Variants in DLGAP1 observed in about 807,000 individuals in gnomAD.
DLGAP1 encodes disks large-associated protein 1.
DLGAP1 carries 11 observed loss-of-function variants against 90.8 expected under a neutral mutation model. The ratio of observed to expected loss-of-function variants is 0.12; its 90% CI spans 0.08 to 0.20. The LOEUF (loss-of-function observed/expected upper bound fraction) is 0.20, where lower values mean the gene tolerates loss of function less well. DLGAP1 is among the 10% of genes least tolerant of loss of function. The pLI is 1.00. For missense variants in DLGAP1, 1,050 were observed against 1,333.8 expected (o/e 0.79, Z 3.31); for synonymous variants, 558 against 540.7 (o/e 1.03, Z -0.44).
chr18:4,395,728 A>T (rs1371464155), intron 1 of DLGAP1, among the ~76,000 whole-genome samples: 1 of 152,238 alleles, frequency 6.6e-6, no homozygotes, highest in Non-Finnish European at 1.5e-5. Flanking sequence ...ACTTAAGTCC[A>T]TACCCATTAA....
At chr18:3,870,705 T>C (rs976505110) in intron 4 of DLGAP1, among the ~76,000 whole-genome samples, 3 of 152,120 alleles carry the variant, frequency 2.0e-5, no homozygotes, top group African/African-American at 4.8e-5. Context: ...ATTTTTATCC[T>C]GGAGAAGTAA....
At chr18:3,810,764 CCTTTTTTT>C (rs2066791889) in intron 5 of DLGAP1, among the ~76,000 whole-genome samples, 1 of 151,916 alleles carries the variant, frequency 6.6e-6, no homozygotes, top group Non-Finnish European at 1.5e-5. Flanking sequence ...AGTGTATTTT[CCTTTTTTT>C]CTTTTGTATC....
At chr18:3,666,825 T>G (rs560195096) in intron 7 of DLGAP1, among the ~76,000 whole-genome samples, 150 of 152,172 alleles carry the variant, frequency 9.9e-4, no homozygotes, top group African/African-American at 3.5e-3. Flanking sequence ...GGTGCAATCA[T>G]AGCTCACTGC....
At chr18:3,997,402 T>A (rs1192384903) in intron 3 of DLGAP1, among the ~76,000 whole-genome samples, 2 of 133,716 alleles carry the variant, frequency 1.5e-5, no homozygotes, top group African/African-American at 2.8e-5. Context: ...CTTGGGTCGC[T>A]CCCCCTCACC....
intron 3 of DLGAP1, among the ~76,000 whole-genome samples, chr18:3,914,765 AT>A (rs1434074735): frequency 6.6e-6 from 1 of 151,886 alleles, no homozygotes; most frequent in Non-Finnish European, 1.5e-5. Context: ...TGTTATTATT[AT>A]TTTTTGAGAC....
At chr18:3,708,831 T>C (rs342476) in intron 7 of DLGAP1, among the ~76,000 whole-genome samples, 147,821 of 152,276 alleles carry the variant, frequency 0.97, 71,795 homozygotes, top group East Asian at 1. Context: ...TATGACTTTC[T>C]GAAGCTTCTC....
intron 3 of DLGAP1, among the ~76,000 whole-genome samples, chr18:3,880,939 T>A (rs2071145133): frequency 1.1e-5 from 1 of 90,868 alleles, no homozygotes; most frequent in African/African-American, 4.8e-5. Context: ...CCAGACTCCA[T>A]CTCAGAAAAA....
chr18:4,383,013 A>C lies in DLGAP1; in HGVS notation c.-267+71993T>G, dbSNP rs2082161125. On this transcript the variant is annotated intron_variant, in intron 1 of 12. Transcript: ENST00000315677. This position sits in a 1 kb window ranked among gnomAD's most constrained non-coding sequence, Gnocchi z 4.0. ...ATCAGTAACTGTATTTAGAATTCAC[A>C]GAGGATAACCAGCCATGTCTTTCCA... 6.6e-6 allele frequency among the ~76,000 whole-genome samples: 1 copy of C among 152,166 alleles called. No individual in the cohort carries two copies. Among genetic ancestry groups the C allele is most frequent in the Non-Finnish European group, 1.5e-5 (1 of 68,028 alleles).
intron 7 of DLGAP1, among the ~76,000 whole-genome samples, chr18:3,592,739 T>G (rs2056321557): frequency 6.9e-6 from 1 of 144,260 alleles, no homozygotes; most frequent in Non-Finnish European, 1.5e-5. Flanking sequence ...AGCTACTCGG[T>G]AGGCTGAGGT....
chr18:4,269,356 T>TATA (rs1183846918), intron 1 of DLGAP1, among the ~76,000 whole-genome samples: 25 of 119,544 alleles, frequency 2.1e-4, no homozygotes, highest in African/African-American at 4.4e-4. Context: ...ATATATATAT[T>TATA]TTTTTTTTTC....
chr18:3,499,295 G>A lies in DLGAP1; in HGVS notation c.2824C>T (p.Arg942Cys). The change falls in exon 13 of 13, where the codon CGC (arginine) becomes TGC (cysteine). Residue 942 changes from arginine (R) to cysteine (C), a missense_variant. Coordinates refer to ENST00000315677, the MANE Select transcript of DLGAP1 (RefSeq NM_004746.4). The surrounding 1 kb of genome is among the most constrained non-coding windows in gnomAD (Gnocchi z 6.4). The part of the protein sequence containing the change: ...SLESSQRQEA[R>C]KRLMAAKRAA... ...CGCTTGGCGGCCATCAGGCGCTTGC[G>A]GGCCTCCTGGCGCTGCGAGCTCTCC... 6.3e-7 allele frequency: 1 copy of A among 1,588,210 alleles called. No homozygotes were observed. Among genetic ancestry groups the A allele is most frequent in the Non-Finnish European group, 8.6e-7 (1 of 1,168,444 alleles).
chr18:3,832,862 C>T (rs11662563), intron 4 of DLGAP1, among the ~76,000 whole-genome samples: 18,145 of 147,706 alleles, frequency 0.12, 1,330 homozygotes, highest in South Asian at 0.19. Context: ...AGCTTAGGTG[C>T]CCCCCCCATC....
At chr18:4,236,820 T>C (rs2078426171) in intron 1 of DLGAP1, among the ~76,000 whole-genome samples, 1 of 152,164 alleles carries the variant, frequency 6.6e-6, no homozygotes, top group Non-Finnish European at 1.5e-5. Flanking sequence ...GAATAACCAA[T>C]TGTTTGCATA....
intron 3 of DLGAP1, among the ~76,000 whole-genome samples, chr18:3,897,819 G>C (rs908631337): frequency 2.9e-4 from 35 of 119,304 alleles, no homozygotes; most frequent in Non-Finnish European, 4.1e-4. Context: ...ACGGAGTCTC[G>C]CTCTGTCGCC....
At chr18:3,644,115 C>T (rs528504492) in intron 7 of DLGAP1, among the ~76,000 whole-genome samples, 2 of 152,134 alleles carry the variant, frequency 1.3e-5, no homozygotes, top group South Asian at 2.1e-4. Context: ...CTCTCCCCTG[C>T]GGCAATGACT....
chr18:3,972,372 T>C (rs908761574), intron 3 of DLGAP1, among the ~76,000 whole-genome samples: 3 of 152,060 alleles, frequency 2.0e-5, no homozygotes, highest in Non-Finnish European at 2.9e-5. Context: ...TAAAAAATTA[T>C]ATCTATCTAT....
intron 1 of DLGAP1, among the ~76,000 whole-genome samples, chr18:4,412,389 G>A (rs281019): frequency 0.61 from 92,742 of 151,994 alleles, 28,628 homozygotes; most frequent in African/African-American, 0.71. Context: ...GATAGCAAGT[G>A]CCCTCATCAA....
At chr18:3,514,668 TA>T (rs1322944648) in intron 10 of DLGAP1, among the ~76,000 whole-genome samples, 1 of 152,224 alleles carries the variant, frequency 6.6e-6, no homozygotes, top group Non-Finnish European at 1.5e-5. Context: ...CCAGTGCATA[TA>T]AAAGTTATGT....
chr18:4,421,468 T>A (rs531650229), intron 1 of DLGAP1, among the ~76,000 whole-genome samples: 42 of 152,308 alleles, frequency 2.8e-4, no homozygotes, highest in Middle Eastern at 3.4e-3. Context: ...TACGAGTTGC[T>A]ATTGACAAGT....
Sources: gnomAD v4.1 joint callset for allele counts (sites outside exome capture counted in the v4.1 genomes callset) on GRCh38, gnomAD v4.1.1 for gene constraint, Gnocchi (gnomAD v3.1) non-coding constraint, MANE v1.5 for transcripts, NCBI Gene and HGNC (gene_info 2026-07-23, HGNC 2026-07-21) for gene names.